SGF29: variants seen among roughly 807,000 people sequenced by gnomAD.
The protein encoded by SGF29 is SAGA complex associated factor 29, also known as SAGA-associated factor 29.
A neutral mutation model predicts 38.1 loss-of-function variants in SGF29; 15 were observed. That is an observed-to-expected ratio of 0.39 (90% CI 0.26 to 0.61). The LOEUF (loss-of-function observed/expected upper bound fraction) is 0.61. Among genes scored for constraint, SGF29 ranks in the 20% least tolerant of loss-of-function variants. SGF29 has a pLI of 0.49. For missense variants in SGF29, 184 were observed against 394.6 expected (o/e 0.47, Z 4.52); for synonymous variants, 151 against 160.8 (o/e 0.94, Z 0.46).
chr16:28,585,612 T>G, intron 3 of SGF29, 36 bp from the exon 4 acceptor site: 2 of 1,588,244 alleles, frequency 1.3e-6, no homozygotes, highest in Non-Finnish European at 1.7e-6. Flanking sequence ...GTGCCTGCCC[T>G]GGCCCTGCCT....
Position 28,572,778 on chromosome 16 carries a change from C to T in SGF29, c.-15-8277C>T, listed in dbSNP as rs1326736936. Among the ~76,000 whole-genome samples the T allele has an allele frequency of 5.3e-5, 8 of 152,098 alleles. No homozygotes were observed. The South Asian group carries it at 6.2e-4, about 12-fold the overall frequency. On this transcript the variant is annotated intron_variant, in intron 1 of 9. Transcript: ENST00000317058. Reference sequence around the variant, plus strand: ...AGGCCAGAAGGAATGTCAGCTGAGCCGGGGAGGTGTCGCTGGGTATGATCC... The same window carrying T: ...AGGCCAGAAGGAATGTCAGCTGAGCTGGGGAGGTGTCGCTGGGTATGATCC...
At chr16:28,564,746 T>TATATATATGTGTATATATATATAC (rs2046823863) in intron 1 of SGF29, among the ~76,000 whole-genome samples, 3 of 24,866 alleles carry the variant, frequency 1.2e-4, no homozygotes, top group African/African-American at 4.0e-4. Flanking sequence ...TGTATATATG[T>TATATATATGTGTATATATATATAC]ATATATATGT....
intron 2 of SGF29, 46 bp downstream of exon 2, chr16:28,581,190 G>C: frequency 6.4e-7 from 1 of 1,569,446 alleles, no homozygotes; most frequent in Non-Finnish European, 8.8e-7. Context: ...CATGGGCTTT[G>C]ATGCTGAGCC....
At chr16:28,562,170 G>T (rs2046794389) in intron 1 of SGF29, among the ~76,000 whole-genome samples, 1 of 152,162 alleles carries the variant, frequency 6.6e-6, no homozygotes, top group Non-Finnish European at 1.5e-5. Context: ...TTTGCTCAGT[G>T]TAACAGCAGA....
chr16:28,575,128 C>T (rs1376296903), intron 1 of SGF29, among the ~76,000 whole-genome samples: 1 of 152,172 alleles, frequency 6.6e-6, no homozygotes, highest in African/African-American at 2.4e-5. Context: ...CTATGGTATA[C>T]AAGCCCTGGG....
chr16:28,589,257 C>T (rs1425359878), intron 5 of SGF29, 93 bp downstream of exon 5: 7 of 1,313,214 alleles, frequency 5.3e-6, no homozygotes, highest in Admixed American at 1.8e-5. Flanking sequence ...GGCCTGTGGC[C>T]ACCACCTGCT....
chr16:28,577,040 G>A (rs1397575648), intron 1 of SGF29, among the ~76,000 whole-genome samples: 1 of 152,088 alleles, frequency 6.6e-6, no homozygotes, highest in African/African-American at 2.4e-5. Context: ...CGGGCGTGGT[G>A]GTGGGCGCCT....
intron 1 of SGF29, among the ~76,000 whole-genome samples, chr16:28,574,815 C>T (rs892971448): frequency 9.2e-5 from 14 of 152,188 alleles, no homozygotes; most frequent in African/African-American, 3.4e-4. Flanking sequence ...TTAGCAACAG[C>T]CTGCATGCTG....
intron 4 of SGF29, chr16:28,588,631 C>G: frequency 2.3e-6 from 1 of 431,722 alleles, no homozygotes; most frequent in South Asian, 1.7e-5. Context: ...ATGACGCGAT[C>G]TCGGTTCACT....
chr16:28,588,617 T>C, intron 4 of SGF29: 1 of 433,332 alleles, frequency 2.3e-6, no homozygotes, highest in South Asian at 1.7e-5. Flanking sequence ...CAGGTTGGAG[T>C]GCAATGACGC....
At chr16:28,575,451 C>T (rs1006318590) in intron 1 of SGF29, among the ~76,000 whole-genome samples, 6 of 152,134 alleles carry the variant, frequency 3.9e-5, no homozygotes, top group Middle Eastern at 3.2e-3. Context: ...GAGGCCAAGG[C>T]GGGTGGATCA....
chr16:28,575,760 T>G (rs1283307517), intron 1 of SGF29, among the ~76,000 whole-genome samples: 1 of 152,138 alleles, frequency 6.6e-6, no homozygotes, highest in African/African-American at 2.4e-5. Flanking sequence ...CAACAGCATA[T>G]GAAAAGATAC....
chr16:28,574,807 A>T (rs2046884063), intron 1 of SGF29, among the ~76,000 whole-genome samples: 1 of 152,192 alleles, frequency 6.6e-6, no homozygotes, highest in Non-Finnish European at 1.5e-5. Flanking sequence ...CCAAGACTTT[A>T]GCAACAGCCT....
In SGF29 at chr16:28,562,010, A is replaced by G. The variant is rs139229526; in HGVS notation, c.-16+7913A>G. Among the ~76,000 whole-genome samples the G allele has an allele frequency of 4.5e-3, 692 of 152,358 alleles. 5 individuals carry two copies. The highest frequency in any genetic ancestry group is 0.016 in the African/African-American group (666 of 41,586). ...AGCACTTTGATGTAAAATCATAGGA[A>G]GAGCTTGTTCTCTCAGACAAGCCAC... is the stretch of plus-strand genomic sequence containing the variant. On this transcript the variant is annotated intron_variant, in intron 1 of 9. Transcript: ENST00000317058.
chr16:28,557,918 C>G (rs1170428771), intron 1 of SGF29, among the ~76,000 whole-genome samples: 2 of 150,822 alleles, frequency 1.3e-5, no homozygotes, highest in Non-Finnish European at 2.9e-5. Flanking sequence ...GGGACTCTAT[C>G]CAGAAGCCTA....
intron 2 of SGF29, among the ~76,000 whole-genome samples, chr16:28,583,191 G>A (rs2046936743): frequency 6.6e-6 from 1 of 152,232 alleles, no homozygotes; most frequent in African/African-American, 2.4e-5. Context: ...AGCCTCTCTT[G>A]AGGTATGAGT....
At chr16:28,559,739 C>A (rs1280201719) in intron 1 of SGF29, among the ~76,000 whole-genome samples, 2 of 152,140 alleles carry the variant, frequency 1.3e-5, no homozygotes, top group Non-Finnish European at 2.9e-5. Context: ...GGGGCATATT[C>A]CAAGCAACTT....
intron 1 of SGF29, among the ~76,000 whole-genome samples, chr16:28,562,379 T>G (rs1412317888): frequency 1.3e-5 from 2 of 152,164 alleles, no homozygotes; most frequent in African/African-American, 4.8e-5. Context: ...GTTCTCTCCC[T>G]TCCCCCTCCT....
At chr16:28,578,684 T>TA (rs11300836) in intron 1 of SGF29, among the ~76,000 whole-genome samples, 3 of 138,950 alleles carry the variant, frequency 2.2e-5, no homozygotes, top group Non-Finnish European at 3.1e-5. Context: ...TGAACAACTT[T>TA]AAAAAAAAAA....
Sources: gnomAD v4.1 joint callset for allele counts (sites outside exome capture counted in the v4.1 genomes callset) on GRCh38, gnomAD v4.1.1 for gene constraint, MANE v1.5 for transcripts, NCBI Gene and HGNC (gene_info 2026-07-23, HGNC 2026-07-21) for gene names.